ANKS1B: variants seen among roughly 807,000 people sequenced by gnomAD.
The protein encoded by ANKS1B is ankyrin repeat and sterile alpha motif domain-containing protein 1B.
ANKS1B carries 36 observed loss-of-function variants against 148.3 expected under a neutral mutation model. That is an observed-to-expected ratio of 0.24 (90% CI 0.19 to 0.32). ANKS1B has a LOEUF of 0.32. Ranked by LOEUF, ANKS1B falls within the 10% of genes least tolerant of loss-of-function variation. The probability of loss-of-function intolerance (pLI) is 1.00; values close to 1 mark genes in which losing one functional copy is unlikely to be tolerated. For synonymous variants in ANKS1B, 542 were observed against 560.8 expected (o/e 0.97, Z 0.47); for missense variants, 1,157 against 1,542.6 (o/e 0.75, Z 4.19).
Position 99,842,922 on chromosome 12 carries a change from C to T in ANKS1B, c.135-17533G>A, listed in dbSNP as rs145311250. Reference sequence around the variant, plus strand: ...TCAAACCATCAATAACTATTTAGTTCGTCTACTTCATTCGCAAATTTTTGG... The same window carrying T: ...TCAAACCATCAATAACTATTTAGTTTGTCTACTTCATTCGCAAATTTTTGG... On this transcript the variant is annotated intron_variant, in intron 1 of 26. Transcript: ENST00000683438. 8.6e-3 allele frequency among the ~76,000 whole-genome samples: 1,305 copies of T among 152,192 alleles called. 16 individuals are homozygous for T. Among genetic ancestry groups the T allele is most frequent in the African/African-American group, 0.028 (1,145 of 41,522 alleles).
At chr12:99,404,993 G>A (rs2094498240) in intron 11 of ANKS1B, among the ~76,000 whole-genome samples, 1 of 145,838 alleles carries the variant, frequency 6.9e-6, no homozygotes, top group Non-Finnish European at 1.5e-5. Flanking sequence ...GGAAAGAGTG[G>A]CATGACATAT....
At chr12:99,792,733 A>G (rs760966933) in intron 4 of ANKS1B, among the ~76,000 whole-genome samples, 1 of 152,068 alleles carries the variant, frequency 6.6e-6, no homozygotes, top group Non-Finnish European at 1.5e-5. Flanking sequence ...ACTCACGACT[A>G]GTATCATACT....
intron 25 of ANKS1B, among the ~76,000 whole-genome samples, chr12:98,761,180 C>A (rs539601128): frequency 3.3e-5 from 5 of 152,306 alleles, no homozygotes; most frequent in African/African-American, 1.2e-4. Context: ...TGCCACTGGG[C>A]TATCCTACCT....
intron 17 of ANKS1B, among the ~76,000 whole-genome samples, chr12:98,933,084 C>T (rs1384871287): frequency 6.6e-6 from 1 of 152,136 alleles, no homozygotes; most frequent in Non-Finnish European, 1.5e-5. Flanking sequence ...GCATATTTAT[C>T]TTGGTTGACT....
intron 15 of ANKS1B, among the ~76,000 whole-genome samples, chr12:99,090,275 T>A (rs1363489572): frequency 6.6e-6 from 1 of 152,224 alleles, no homozygotes; most frequent in Non-Finnish European, 1.5e-5. Context: ...TGTAGTTTTT[T>A]AAACTTAATA....
intron 8 of ANKS1B, among the ~76,000 whole-genome samples, chr12:99,701,062 A>G (rs2054733831): frequency 1.3e-5 from 2 of 152,206 alleles, no homozygotes; most frequent in African/African-American, 4.8e-5. Flanking sequence ...ACAACACATT[A>G]TAGTTTAACT....
chr12:99,153,400 G>C (rs1181677869), intron 15 of ANKS1B, among the ~76,000 whole-genome samples: 2 of 152,086 alleles, frequency 1.3e-5, no homozygotes, highest in Non-Finnish European at 2.9e-5. Flanking sequence ...TAAACTTAGG[G>C]ATCAGTGATA....
chr12:99,250,308 T>C (rs190958870), intron 12 of ANKS1B, among the ~76,000 whole-genome samples: 69 of 152,304 alleles, frequency 4.5e-4, no homozygotes, highest in Middle Eastern at 6.8e-3. Context: ...GGCTCTACGA[T>C]TGTTAGTTTG....
At chr12:99,179,063 T>A (rs1330600476) in intron 14 of ANKS1B, among the ~76,000 whole-genome samples, 1 of 152,186 alleles carries the variant, frequency 6.6e-6, no homozygotes, top group Non-Finnish European at 1.5e-5. Context: ...TAAACTATAG[T>A]AATTATCTAG....
intron 14 of ANKS1B, among the ~76,000 whole-genome samples, chr12:99,159,548 G>A (rs1055632040): frequency 2.0e-5 from 3 of 152,018 alleles, no homozygotes; most frequent in Admixed American, 1.3e-4. Flanking sequence ...TTGCTGCAAA[G>A]GATATAATTT....
chr12:99,937,198 C>T (rs1307388181), intron 1 of ANKS1B, among the ~76,000 whole-genome samples: 2 of 152,128 alleles, frequency 1.3e-5, no homozygotes, highest in Non-Finnish European at 2.9e-5. Flanking sequence ...ATGGTGTATT[C>T]TTGTGTCACC....
At chr12:99,902,721 C>T (rs1273736654) in intron 1 of ANKS1B, among the ~76,000 whole-genome samples, 3 of 151,434 alleles carry the variant, frequency 2.0e-5, no homozygotes. Flanking sequence ...ATTTGAGATG[C>T]CTATCAGATC....
At chr12:98,780,279 G>A (rs1250259599) in intron 24 of ANKS1B, among the ~76,000 whole-genome samples, 1 of 152,188 alleles carries the variant, frequency 6.6e-6, no homozygotes, top group African/African-American at 2.4e-5. Flanking sequence ...CCCTCCTTCT[G>A]TACTTGATTA....
chr12:99,935,338 T>G (rs1409445458), intron 1 of ANKS1B, among the ~76,000 whole-genome samples: 2 of 146,494 alleles, frequency 1.4e-5, no homozygotes, highest in Non-Finnish European at 3.0e-5. Context: ...GGATGTGTTC[T>G]TTTTCTGTAG....
chr12:98,867,246 T>G (rs142798107), intron 17 of ANKS1B, among the ~76,000 whole-genome samples: 1 of 152,264 alleles, frequency 6.6e-6, no homozygotes, highest in African/African-American at 2.4e-5. Context: ...TTAGAGCCAT[T>G]GCAAGAAATC....
chr12:99,401,412 C>T (rs2094400387), intron 11 of ANKS1B, among the ~76,000 whole-genome samples: 1 of 146,008 alleles, frequency 6.8e-6, no homozygotes, highest in South Asian at 2.1e-4. Flanking sequence ...GGCAATGGAC[C>T]ACATTTCTAT....
At chr12:98,957,340 T>TATTC (rs1175321026) in intron 17 of ANKS1B, among the ~76,000 whole-genome samples, 2 of 149,024 alleles carry the variant, frequency 1.3e-5, no homozygotes, top group Non-Finnish European at 3.0e-5. Flanking sequence ...TTTATTTATT[T>TATTC]ATTTATTTAT....
intron 2 of ANKS1B, among the ~76,000 whole-genome samples, chr12:99,823,972 G>C (rs1008103195): frequency 6.6e-6 from 1 of 152,152 alleles, no homozygotes; most frequent in Non-Finnish European, 1.5e-5. Flanking sequence ...CCAGTACCAT[G>C]CTGTTTTAGT....
chr12:99,159,735 G>C (rs1387944385), intron 14 of ANKS1B, among the ~76,000 whole-genome samples: 1 of 152,164 alleles, frequency 6.6e-6, no homozygotes, highest in Non-Finnish European at 1.5e-5. Flanking sequence ...TTTTCTTTTG[G>C]ATATAGACCC....
Sources: gnomAD v4.1 joint callset for allele counts (sites outside exome capture counted in the v4.1 genomes callset) on GRCh38, gnomAD v4.1.1 for gene constraint, MANE v1.5 for transcripts, NCBI Gene and HGNC (gene_info 2026-07-23, HGNC 2026-07-21) for gene names.